The following SCARB2 variants were observed in gnomAD, a reference collection of about 807,000 sequenced individuals.
The protein encoded by SCARB2 is scavenger receptor class B member 2, also known as lysosome membrane protein 2.
SCARB2 carries 29 observed loss-of-function variants against 58.6 expected under a neutral mutation model. The observed-to-expected ratio is 0.49, with a 90% CI of 0.37 to 0.67. The LOEUF (loss-of-function observed/expected upper bound fraction) is 0.67, where lower values mean the gene tolerates loss of function less well. Among genes scored for constraint, SCARB2 ranks in the 30% least tolerant of loss-of-function variants. The pLI, the probability that SCARB2 is intolerant of heterozygous loss-of-function variation, is 0.00. For synonymous variants in SCARB2, 195 were observed against 210.1 expected, an observed-to-expected ratio of 0.93 and a Z score of 0.62; for missense variants, 488 against 578.5, an observed-to-expected ratio of 0.84 and a Z score of 1.60.
At chr4:76,219,660 T>A (rs961082808) in intron 1 of SCARB2, among the ~76,000 whole-genome samples, 2 of 151,826 alleles carry the variant, frequency 1.3e-5, no homozygotes, top group African/African-American at 4.8e-5. Context: ...TGTCTGAGGG[T>A]AGAGGCAGAC....
chr4:76,211,936 A>G (rs920653346), intron 1 of SCARB2, among the ~76,000 whole-genome samples: 3 of 152,174 alleles, frequency 2.0e-5, no homozygotes, highest in African/African-American at 7.2e-5. Context: ...ACACTTGGAA[A>G]TATCAACACA....
At chr4:76,219,723 A>G (rs1470312467) in intron 1 of SCARB2, among the ~76,000 whole-genome samples, 2 of 152,052 alleles carry the variant, frequency 1.3e-5, no homozygotes, top group African/African-American at 2.4e-5. Context: ...ATAGGGGTGC[A>G]GTAGTGGAAT....
intron 1 of SCARB2, among the ~76,000 whole-genome samples, chr4:76,210,854 C>T (rs1427737300): frequency 6.6e-6 from 1 of 152,244 alleles, no homozygotes; most frequent in Non-Finnish European, 1.5e-5. Flanking sequence ...TCTTACTAAG[C>T]TTCCCACACC....
chr4:76,205,941 C>T (rs1043916658), intron 1 of SCARB2, among the ~76,000 whole-genome samples: 7 of 152,054 alleles, frequency 4.6e-5, no homozygotes, highest in Non-Finnish European at 8.8e-5. Flanking sequence ...CCAATAAGGG[C>T]GCAAAGGACG....
At chr4:76,214,052 C>T (rs529017765), upstream of SCARB2, 37 of 336,972 alleles carry the variant, frequency 1.1e-4, no homozygotes, top group East Asian at 3.1e-3. Flanking sequence ...CGCCCTGCAC[C>T]GCAGGCCCAG....
rs1015875677 is a variant in SCARB2 at position 76,175,963 on chromosome 4, T to C, written c.705-53A>G. The C allele has an allele frequency of 8.1e-6, 13 of 1,606,754 alleles. No homozygotes were observed. In the South Asian group the frequency reaches 1.3e-4, roughly 16 times the overall value. ...AAAGATGATCACATTTGAGTTTAGATTCTCTTAAATGGTCAGGACTTTGCA... is the reference window on the plus strand; with the variant it reads ...AAAGATGATCACATTTGAGTTTAGACTCTCTTAAATGGTCAGGACTTTGCA... On this transcript the variant is annotated intron_variant, in intron 5 of 11. Coordinates refer to ENST00000264896, the MANE Select transcript of SCARB2 (RefSeq NM_005506.4).
chr4:76,229,270 G>A (rs978445223), intron 1 of SCARB2, among the ~76,000 whole-genome samples: 7 of 152,026 alleles, frequency 4.6e-5, no homozygotes, highest in African/African-American at 9.6e-5. Flanking sequence ...ATTTCTTTAC[G>A]TTGGTTTTCA....
upstream of SCARB2, among the ~76,000 whole-genome samples, chr4:76,215,144 G>C (rs1733177792): frequency 6.6e-6 from 1 of 152,226 alleles, no homozygotes; most frequent in Non-Finnish European, 1.5e-5. Flanking sequence ...ATAAATATCA[G>C]GGTATGGATT....
At chr4:76,190,655 G>T (rs1181436393) in intron 2 of SCARB2, among the ~76,000 whole-genome samples, 1 of 152,124 alleles carries the variant, frequency 6.6e-6, no homozygotes, top group South Asian at 2.1e-4. Flanking sequence ...CGTGGTGGCC[G>T]TGCCTGTAAT....
chr4:76,224,830 G>A (rs7665857), intron 1 of SCARB2, among the ~76,000 whole-genome samples: 46,796 of 151,872 alleles, frequency 0.31, 7,366 homozygotes, highest in African/African-American at 0.38. Flanking sequence ...GGAGATTTCT[G>A]AGATTTTGGT....
At chr4:76,200,329 A>T (rs1456084371) in intron 1 of SCARB2, among the ~76,000 whole-genome samples, 1 of 152,152 alleles carries the variant, frequency 6.6e-6, no homozygotes, top group African/African-American at 2.4e-5. Context: ...TCACAATATA[A>T]CTGTTGCTTA....
At chr4:76,194,217 A>C (rs886587102) in intron 2 of SCARB2, 6 of 152,288 alleles carry the variant, frequency 3.9e-5, no homozygotes, top group African/African-American at 1.4e-4. Context: ...CTGCAGAACC[A>C]TGAGCCAATT....
At chr4:76,222,280 G>A (rs1459051387) in intron 1 of SCARB2, among the ~76,000 whole-genome samples, 1 of 151,048 alleles carries the variant, frequency 6.6e-6, no homozygotes, top group African/African-American at 2.4e-5. Context: ...AGGCTGGAGT[G>A]CAGTGGTGTG....
intron 8 of SCARB2, among the ~76,000 whole-genome samples, chr4:76,169,341 C>CACACACACATATGT (rs3217498): frequency 6.6e-6 from 1 of 151,126 alleles, no homozygotes; most frequent in South Asian, 2.1e-4. Flanking sequence ...CACACACACA[C>CACACACACATATGT]GTGTGTATGT....
Position 76,213,438 on chromosome 4 carries a change from T to C in SCARB2, c.106A>G (p.Ser36Gly). 6.2e-7 allele frequency: 1 copy of C among 1,609,446 alleles called. No individual in the cohort carries two copies. Among genetic ancestry groups the C allele is most frequent in the Non-Finnish European group, 8.5e-7 (1 of 1,177,438 alleles). The stretch of plus-strand genomic sequence containing the variant: ...CCGCCCCGCCTCACCTTCTCGATAC[T>C]CTGGTCTACAGCCTTCTGGAAGACC... The part of the protein sequence containing the change: ...ARVFQKAVDQ[S>G]IEKKIVLRNG... Residue 36 changes from serine (S) to glycine (G), a missense_variant, in exon 1 of 12, where the codon AGT (serine) becomes GGT (glycine). Coordinates refer to ENST00000264896, the MANE Select transcript of SCARB2 (RefSeq NM_005506.4).
intron 2 of SCARB2, among the ~76,000 whole-genome samples, chr4:76,190,891 A>G (rs964427731): frequency 6.6e-6 from 1 of 152,366 alleles, no homozygotes; most frequent in South Asian, 2.1e-4. Flanking sequence ...TTGCACATTC[A>G]AAATGTGGCT....
At chr4:76,174,400 T>C in intron 6 of SCARB2, 87 bp from the exon 7 acceptor site, 1 of 1,231,080 alleles carries the variant, frequency 8.1e-7, no homozygotes, top group East Asian at 2.3e-5. Context: ...AGTTCTCAGG[T>C]ACAACATGGC....
intron 2 of SCARB2, chr4:76,194,501 C>T (rs1430098740): frequency 6.6e-6 from 1 of 152,138 alleles, no homozygotes; most frequent in Non-Finnish European, 1.5e-5. Context: ...GGTCATCTGA[C>T]TCCAGAGTCA....
intron 1 of SCARB2, among the ~76,000 whole-genome samples, chr4:76,202,672 TC>T (rs535206164): frequency 7.7e-4 from 118 of 152,310 alleles, no homozygotes; most frequent in African/African-American, 2.8e-3. Flanking sequence ...AAAATTTAAA[TC>T]CCCTGTAATC....
Sources: gnomAD v4.1 joint callset for allele counts (sites outside exome capture counted in the v4.1 genomes callset) on GRCh38, gnomAD v4.1.1 for gene constraint, MANE v1.5 for transcripts, NCBI Gene and HGNC (gene_info 2026-07-23, HGNC 2026-07-21) for gene names.